The following FSTL5 variants were observed in gnomAD, a reference collection of about 807,000 sequenced individuals.
The protein encoded by FSTL5 is follistatin-related protein 5.
FSTL5 carries 62 observed loss-of-function variants against 89.1 expected under a neutral mutation model. That is an observed-to-expected ratio of 0.70 (90% CI 0.57 to 0.86). The LOEUF is 0.86. Ranked by LOEUF, FSTL5 falls within the 40% of genes least tolerant of loss-of-function variation. The pLI, the probability that FSTL5 is intolerant of heterozygous loss-of-function variation, is 0.00. For missense variants in FSTL5, 1,057 were observed against 1,001.6 expected (o/e 1.06, Z -0.75); for synonymous variants, 383 against 346.2 (o/e 1.11, Z -1.18).
At chr4:161,554,641 A>C (rs1732327466) in intron 8 of FSTL5, among the ~76,000 whole-genome samples, 1 of 151,710 alleles carries the variant, frequency 6.6e-6, no homozygotes, top group Admixed American at 6.6e-5. Flanking sequence ...TAAACAACTA[A>C]GCACTGACTA....
chr4:162,021,090 A>AT (rs1737065387), intron 3 of FSTL5, among the ~76,000 whole-genome samples: 1 of 152,220 alleles, frequency 6.6e-6, no homozygotes, highest in Admixed American at 6.5e-5. Context: ...TGATAAATAC[A>AT]TTTTTCAATT....
rs371597074 is a variant in FSTL5, at chr4:161,779,797, A to G, written c.410-3723T>C. On this transcript the variant is annotated intron_variant, in intron 4 of 15. Transcript: ENST00000306100. ...TATGTATATATATATATATATATAT[A>G]TATATATATATATGTATATATATAT... Among the ~76,000 whole-genome samples, 104 of 52,170 alleles carry G rather than the reference A, an allele frequency of 2.0e-3. 2 individuals carry two copies. Among genetic ancestry groups the G allele is most frequent in the South Asian group, 8.2e-3 (13 of 1,578 alleles). 34.2% of individuals were successfully genotyped at this position (52,170 alleles called of 152,430 possible).
intron 6 of FSTL5, among the ~76,000 whole-genome samples, chr4:161,672,066 C>A (rs1461001264): frequency 6.6e-6 from 1 of 152,034 alleles, no homozygotes; most frequent in Non-Finnish European, 1.5e-5. Context: ...TATCTTTAAC[C>A]AGTAAACTGC....
chr4:161,849,096 T>C (rs1188603469), intron 4 of FSTL5, among the ~76,000 whole-genome samples: 4 of 152,174 alleles, frequency 2.6e-5, no homozygotes, highest in African/African-American at 9.7e-5. Flanking sequence ...AGTTGCTACA[T>C]AAATATTTTT....
At chr4:161,988,439 T>A (rs992007317) in intron 3 of FSTL5, among the ~76,000 whole-genome samples, 2 of 152,084 alleles carry the variant, frequency 1.3e-5, no homozygotes, top group Admixed American at 6.5e-5. Context: ...CTCAAAGAGA[T>A]GCTAAAAGTT....
At chr4:161,566,879 T>C (rs4484245) in intron 8 of FSTL5, among the ~76,000 whole-genome samples, 71,915 of 151,916 alleles carry the variant, frequency 0.47, 17,279 homozygotes, top group Middle Eastern at 0.6. Flanking sequence ...ATTTTCCCAG[T>C]GCACCAGAGG....
chr4:161,616,804 CAT>C (rs373687498), intron 7 of FSTL5, among the ~76,000 whole-genome samples: 33 of 149,824 alleles, frequency 2.2e-4, no homozygotes, highest in African/African-American at 8.1e-4. Flanking sequence ...CACCCTGACA[CAT>C]GTTTACCTAT....
intron 3 of FSTL5, among the ~76,000 whole-genome samples, chr4:161,977,729 C>G (rs760893663): frequency 3.3e-5 from 5 of 150,136 alleles, no homozygotes; most frequent in Non-Finnish European, 5.9e-5. Flanking sequence ...TTGAGCCCAT[C>G]ATGGGATTGG....
At chr4:162,027,686 T>G (rs1280312032) in intron 3 of FSTL5, among the ~76,000 whole-genome samples, 1 of 152,138 alleles carries the variant, frequency 6.6e-6, no homozygotes, top group East Asian at 1.9e-4. Context: ...TTAATTGATT[T>G]ATTTGTCAAC....
At chr4:161,491,570 G>C (rs1490533272) in intron 12 of FSTL5, among the ~76,000 whole-genome samples, 2 of 152,102 alleles carry the variant, frequency 1.3e-5, no homozygotes, top group African/African-American at 2.4e-5. Flanking sequence ...GCTGGGCATG[G>C]TGGCTCATGC....
intron 4 of FSTL5, among the ~76,000 whole-genome samples, chr4:161,779,797 A>ATATG (rs1560840950): frequency 1.9e-5 from 1 of 52,210 alleles, no homozygotes; most frequent in African/African-American, 1.6e-4. Flanking sequence ...ATATATATAT[A>ATATG]TATATATATA....
intron 2 of FSTL5, among the ~76,000 whole-genome samples, chr4:162,034,746 G>A (rs1249207685): frequency 6.6e-6 from 1 of 152,062 alleles, no homozygotes; most frequent in Non-Finnish European, 1.5e-5. Context: ...ATATATTTTG[G>A]CAAAAGAGTA....
chr4:161,418,964 T>C (rs1731886264), intron 15 of FSTL5, among the ~76,000 whole-genome samples: 1 of 152,246 alleles, frequency 6.6e-6, no homozygotes, highest in Non-Finnish European at 1.5e-5. Flanking sequence ...TTAGCCCATC[T>C]GCAGTACTTG....
chr4:161,527,972 A>T (rs1046004993), intron 10 of FSTL5, among the ~76,000 whole-genome samples: 9 of 150,816 alleles, frequency 6.0e-5, no homozygotes, highest in Non-Finnish European at 1.0e-4. Flanking sequence ...GCCATAAAAA[A>T]TGATGAGTTC....
At chr4:161,953,663 TTTAG>T (rs1220639832) in intron 3 of FSTL5, among the ~76,000 whole-genome samples, 3 of 151,640 alleles carry the variant, frequency 2.0e-5, no homozygotes, top group East Asian at 1.9e-4. Context: ...ATTACACAAT[TTTAG>T]TTAGCCATAG....
At chr4:162,149,809 T>A (rs1733156326) in intron 1 of FSTL5, among the ~76,000 whole-genome samples, 1 of 152,174 alleles carries the variant, frequency 6.6e-6, no homozygotes, top group South Asian at 2.1e-4. Flanking sequence ...ACCTTATGAT[T>A]TTACTTAATT....
intron 6 of FSTL5, among the ~76,000 whole-genome samples, chr4:161,749,683 T>A (rs1740326975): frequency 6.6e-6 from 1 of 151,854 alleles, no homozygotes; most frequent in African/African-American, 2.4e-5. Flanking sequence ...TCCCAGCTAC[T>A]CGGGAGGCTG....
At position 161,386,150 on chromosome 4, in the gene FSTL5, C is replaced by A; in HGVS notation, c.2141G>T (p.Gly714Val). 6.2e-7 allele frequency: 1 copy of A among 1,614,002 alleles called. No individual in the cohort carries two copies. The highest frequency in any genetic ancestry group is 8.5e-7 in the Non-Finnish European group (1 of 1,179,968). The change falls in exon 16 of 16, where the codon GGT becomes GTT. Residue 714 changes from glycine (G) to valine (V), a missense_variant. Coordinates refer to ENST00000306100, the MANE Select transcript of FSTL5 (RefSeq NM_020116.5). Reference protein sequence around the residue: ...HYLVSINDVKGLVRVQYITIR... With the variant: ...HYLVSINDVKVLVRVQYITIR... ...GGTAATGTACTGAACCCTTACAAGACCTTTCACATCATTAATGCTGACAAG... is the reference window on the plus strand; with the variant it reads ...GGTAATGTACTGAACCCTTACAAGAACTTTCACATCATTAATGCTGACAAG...
chr4:162,026,625 G>A (rs578113898), intron 3 of FSTL5, among the ~76,000 whole-genome samples: 6 of 152,034 alleles, frequency 3.9e-5, no homozygotes, highest in Admixed American at 1.3e-4. Context: ...CCTTCCACTA[G>A]AAAGCATTTA....
Sources: gnomAD v4.1 joint callset for allele counts (sites outside exome capture counted in the v4.1 genomes callset) on GRCh38, gnomAD v4.1.1 for gene constraint, MANE v1.5 for transcripts, NCBI Gene and HGNC (gene_info 2026-07-23, HGNC 2026-07-21) for gene names.